RASSF3: variants seen among roughly 807,000 people sequenced by gnomAD.
RASSF3 encodes the protein Ras association domain family member 3.
In RASSF3, 19 loss-of-function variants were observed where a neutral mutation model predicts 19.9. The observed-to-expected ratio is 0.96, with a 90% CI of 0.67 to 1.40. The LOEUF is 1.40. Ranked by LOEUF, RASSF3 falls within the 40% of genes most tolerant of loss-of-function variation. RASSF3 has a pLI of 0.00. For synonymous variants in RASSF3, 110 were observed against 104.2 expected, an observed-to-expected ratio of 1.06 and a Z score of -0.34; for missense variants, 306 against 289.8, an observed-to-expected ratio of 1.06 and a Z score of -0.41.
In RASSF3 at chr12:64,579,962, G is replaced by A. The variant is rs528311710; in HGVS notation, c.294+38257G>A. 2.6e-3 allele frequency among the ~76,000 whole-genome samples: 394 copies of A among 152,048 alleles called. 3 individuals are homozygous for A. Among genetic ancestry groups the A allele is most frequent in the African/African-American group, 8.4e-3 (349 of 41,494 alleles). On this transcript the variant is annotated intron_variant, in intron 2 of 5. Transcript: ENST00000637125. ...CCCTAGTAGCTGGGATTACAGGCAT[G>A]CGCCACCATGCCTGGCTAATTTTTG...
intron 1 of RASSF3, chr12:64,622,491 C>G (rs375343864): frequency 1.9e-6 from 1 of 530,712 alleles, no homozygotes; most frequent in Non-Finnish European, 3.9e-6. Flanking sequence ...TGAAAAATTG[C>G]GATGAGAAAG....
intron 1 of RASSF3, among the ~76,000 whole-genome samples, chr12:64,521,911 C>G (rs1402751906): frequency 6.6e-6 from 1 of 152,174 alleles, no homozygotes; most frequent in Non-Finnish European, 1.5e-5. Flanking sequence ...CCTTCAGAAC[C>G]CTCTGGGGTC....
chr12:64,566,368 AC>A (rs1869431591), intron 2 of RASSF3, among the ~76,000 whole-genome samples: 1 of 152,224 alleles, frequency 6.6e-6, no homozygotes, highest in African/African-American at 2.4e-5. Context: ...TGGCACTGTT[AC>A]AAAGCATTTG....
At chr12:64,511,969 A>G (rs1868331232) in intron 1 of RASSF3, among the ~76,000 whole-genome samples, 1 of 152,082 alleles carries the variant, frequency 6.6e-6, no homozygotes, top group Non-Finnish European at 1.5e-5. Context: ...ATGAAAGTCT[A>G]TTGCTTCTTG....
At chr12:64,580,595 C>CAG (rs908922622) in intron 2 of RASSF3, among the ~76,000 whole-genome samples, 2 of 151,554 alleles carry the variant, frequency 1.3e-5, no homozygotes, top group African/African-American at 4.9e-5. Context: ...CACACACACA[C>CAG]ACACACACAC....
chr12:64,598,337 A>AT (rs564950333), intron 2 of RASSF3, among the ~76,000 whole-genome samples: 101 of 152,196 alleles, frequency 6.6e-4, no homozygotes, highest in African/African-American at 2.2e-3. Flanking sequence ...TATGGGGAAT[A>AT]TTTTTTTCGT....
intron 1 of RASSF3, among the ~76,000 whole-genome samples, chr12:64,514,686 T>C (rs536881749): frequency 1.3e-5 from 2 of 152,292 alleles, no homozygotes; most frequent in Non-Finnish European, 2.9e-5. Flanking sequence ...GTGACTTAGA[T>C]CTTCCAGGCA....
At chr12:64,687,378 T>C (rs577775587) in intron 2 of RASSF3, among the ~76,000 whole-genome samples, 2 of 152,086 alleles carry the variant, frequency 1.3e-5, no homozygotes, top group African/African-American at 4.8e-5. Flanking sequence ...AACTAAGAAA[T>C]AGTAATTCTA....
At chr12:64,684,080 T>C (rs189278729) in intron 1 of RASSF3, among the ~76,000 whole-genome samples, 2 of 146,804 alleles carry the variant, frequency 1.4e-5, no homozygotes, top group East Asian at 3.9e-4. Context: ...TCTTGTGTGG[T>C]TGTAATTTTT....
At chr12:64,610,246 A>T (rs1870288369), upstream of RASSF3, among the ~76,000 whole-genome samples, 1 of 152,002 alleles carries the variant, frequency 6.6e-6, no homozygotes, top group South Asian at 2.1e-4. Context: ...GCACAGCCCC[A>T]GCAGACGCAG....
chr12:64,679,348 C>G (rs1276155356), intron 1 of RASSF3, among the ~76,000 whole-genome samples: 1 of 152,194 alleles, frequency 6.6e-6, no homozygotes, highest in South Asian at 2.1e-4. Flanking sequence ...CGTGAGCCAC[C>G]GCTCCCAGCC....
chr12:64,576,061 A>T (rs977639068), intron 2 of RASSF3, among the ~76,000 whole-genome samples: 3 of 151,930 alleles, frequency 2.0e-5, no homozygotes, highest in African/African-American at 7.3e-5. Context: ...GGCTAATTTT[A>T]TATTTTTAGT....
intron 2 of RASSF3, among the ~76,000 whole-genome samples, chr12:64,603,054 G>A (rs148006311): frequency 2.0e-5 from 3 of 152,092 alleles, no homozygotes; most frequent in Non-Finnish European, 2.9e-5. Context: ...GACTGAGATC[G>A]TACTGCTGCA....
intron 1 of RASSF3, among the ~76,000 whole-genome samples, chr12:64,679,575 A>G (rs552476052): frequency 6.6e-6 from 1 of 152,242 alleles, no homozygotes; most frequent in African/African-American, 2.4e-5. Context: ...AGCCTGGGTC[A>G]TGCTACCCGA....
intron 2 of RASSF3, among the ~76,000 whole-genome samples, chr12:64,548,452 A>G (rs990865748): frequency 3.3e-5 from 5 of 152,192 alleles, no homozygotes; most frequent in African/African-American, 7.2e-5. Context: ...GGCCTCCCAA[A>G]GTGCCAGGAT....
intron 2 of RASSF3, among the ~76,000 whole-genome samples, chr12:64,551,776 T>C (rs557479345): frequency 2.6e-5 from 4 of 152,296 alleles, no homozygotes; most frequent in East Asian, 1.9e-4. Context: ...CATAGACACA[T>C]GGTTTGTAAG....
chr12:64,612,873 C>T (rs1238027838), intron 1 of RASSF3, among the ~76,000 whole-genome samples: 1 of 152,140 alleles, frequency 6.6e-6, no homozygotes, highest in Admixed American at 6.6e-5. Context: ...ATTAGTCTAA[C>T]ATTAATATGT....
intron 1 of RASSF3, among the ~76,000 whole-genome samples, chr12:64,511,816 C>T (rs924078093): frequency 1.3e-5 from 2 of 151,918 alleles, no homozygotes; most frequent in Non-Finnish European, 2.9e-5. Context: ...ATAAGATAAC[C>T]AAACTCTCAG....
At chr12:64,671,969 G>A (rs576701904) in intron 1 of RASSF3, among the ~76,000 whole-genome samples, 22 of 152,260 alleles carry the variant, frequency 1.4e-4, no homozygotes, top group African/African-American at 5.1e-4. Flanking sequence ...GAAAGTGGAT[G>A]GAATTAATGG....
Sources: allele counts gnomAD v4.1 joint callset (sites outside exome capture counted in the v4.1 genomes callset), GRCh38; gene constraint gnomAD v4.1.1; transcripts MANE v1.5; gene names NCBI Gene and HGNC (gene_info 2026-07-23, HGNC 2026-07-21).